NRXN1: variants seen among roughly 807,000 people sequenced by gnomAD.
NRXN1 encodes the protein neurexin 1.
NRXN1 carries 39 observed loss-of-function variants against 150.9 expected under a neutral mutation model. That is an observed-to-expected ratio of 0.26 (90% CI 0.20 to 0.34). The LOEUF (loss-of-function observed/expected upper bound fraction) is 0.34. NRXN1 is among the 10% of genes least tolerant of loss of function. The pLI, the probability that NRXN1 is intolerant of heterozygous loss-of-function variation, is 1.00. For missense variants in NRXN1, 1,815 were observed against 1,949.9 expected, an observed-to-expected ratio of 0.93 and a Z score of 1.30; for synonymous variants, 924 against 757.0, an observed-to-expected ratio of 1.22 and a Z score of -3.62.
At chr2:50,173,564 A>G (rs2060157777) in intron 18 of NRXN1, among the ~76,000 whole-genome samples, 1 of 152,172 alleles carries the variant, frequency 6.6e-6, no homozygotes, top group Non-Finnish European at 1.5e-5. Flanking sequence ...CCATGAGTAT[A>G]TTTGTGATAA....
intron 2 of NRXN1, among the ~76,000 whole-genome samples, chr2:50,989,548 T>C (rs964316855): frequency 1.3e-5 from 2 of 151,988 alleles, no homozygotes; most frequent in African/African-American, 2.4e-5. Flanking sequence ...AATAGAATGA[T>C]ATAGCATGTA....
chr2:50,826,893 T>G (rs1372512068), intron 5 of NRXN1, among the ~76,000 whole-genome samples: 1 of 152,182 alleles, frequency 6.6e-6, no homozygotes, highest in Non-Finnish European at 1.5e-5. Flanking sequence ...TAGATGGCAT[T>G]AAACGCCACA....
intron 18 of NRXN1, among the ~76,000 whole-genome samples, chr2:50,167,407 C>A (rs190675394): frequency 7.2e-5 from 11 of 152,066 alleles, no homozygotes; most frequent in South Asian, 4.1e-4. Flanking sequence ...TGCCTCCCCC[C>A]CGCCTGTTAA....
chr2:50,195,531 A>T (rs2061703619), intron 18 of NRXN1, among the ~76,000 whole-genome samples: 1 of 152,186 alleles, frequency 6.6e-6, no homozygotes, highest in Non-Finnish European at 1.5e-5. Context: ...TTAGATAATG[A>T]GAAGCAATAA....
At chr2:50,913,026 C>G (rs892636732) in intron 5 of NRXN1, 1 of 151,788 alleles carries the variant, frequency 6.6e-6, no homozygotes, top group Non-Finnish European at 1.5e-5. Context: ...ACTGAAAGTA[C>G]CGATGGGTCA....
In NRXN1 at chr2:50,026,859, C is replaced by CTTTTTTTT. The variant is rs57580154; in HGVS notation, c.4128+26404_4128+26411dup. 8.1e-3 allele frequency among the ~76,000 whole-genome samples: 530 copies of CTTTTTTTT among 65,224 alleles called. 139 individuals are homozygous for CTTTTTTTT. The highest frequency in any genetic ancestry group is 0.023 in the Middle Eastern group (2 of 86). The allele number at this position is 65,224 out of a possible 152,430, so 42.8% of individuals were successfully genotyped here. On this transcript the variant is annotated intron_variant, in intron 21 of 22. Coordinates refer to ENST00000401669, the MANE Select transcript of NRXN1 (RefSeq NM_001330078.2). ...TTGCATTGTTTAAGTCTTTTCTTTT[C>CTTTTTTTT]TTTTTTTTTTTTTTTTTTTTTTTTT...
intron 2 of NRXN1, among the ~76,000 whole-genome samples, chr2:50,975,284 T>A (rs1695640741): frequency 6.6e-6 from 1 of 152,080 alleles, no homozygotes; most frequent in African/African-American, 2.4e-5. Flanking sequence ...ACTCTTTGGG[T>A]CTCTCAGTAA....
intron 5 of NRXN1, among the ~76,000 whole-genome samples, chr2:50,735,077 T>C (rs9678008): frequency 6.6e-6 from 1 of 152,188 alleles, no homozygotes; most frequent in Non-Finnish European, 1.5e-5. Flanking sequence ...TGTTAGACTA[T>C]TCTCATTAAC....
At chr2:50,299,017 T>C (rs891121674) in intron 17 of NRXN1, among the ~76,000 whole-genome samples, 15 of 152,142 alleles carry the variant, frequency 9.9e-5, no homozygotes, top group Admixed American at 8.5e-4. Context: ...CAGGAGAAAA[T>C]GCCATCCTTT....
chr2:50,234,447 T>G (rs577738566), intron 18 of NRXN1, among the ~76,000 whole-genome samples: 1 of 151,968 alleles, frequency 6.6e-6, no homozygotes, highest in Non-Finnish European at 1.5e-5. Flanking sequence ...TGAACTGAGA[T>G]TGCATCATTG....
At chr2:50,873,411 A>G (rs2106110631) in intron 5 of NRXN1, among the ~76,000 whole-genome samples, 1 of 151,978 alleles carries the variant, frequency 6.6e-6, no homozygotes, top group South Asian at 2.1e-4. Flanking sequence ...CATGATTATA[A>G]CATTCTATAA....
At chr2:50,492,615 T>A (rs1268356687) in intron 15 of NRXN1, among the ~76,000 whole-genome samples, 2 of 152,174 alleles carry the variant, frequency 1.3e-5, no homozygotes, top group Non-Finnish European at 2.9e-5. Flanking sequence ...GGTTGAGGTT[T>A]CCCCAACTCC....
chr2:50,886,187 C>G (rs1471050173), intron 5 of NRXN1, among the ~76,000 whole-genome samples: 1 of 151,166 alleles, frequency 6.6e-6, no homozygotes, highest in African/African-American at 2.4e-5. Context: ...TACCCAAACA[C>G]TTTTCTAACT....
intron 5 of NRXN1, among the ~76,000 whole-genome samples, chr2:50,891,067 A>ACTTT (rs1680984803): frequency 1.3e-5 from 2 of 151,994 alleles, no homozygotes; most frequent in Non-Finnish European, 2.9e-5. Flanking sequence ...TTCTGGCCAA[A>ACTTT]GGATACTCCA....
At chr2:50,444,516 C>T (rs1026808742) in intron 17 of NRXN1, among the ~76,000 whole-genome samples, 2 of 152,072 alleles carry the variant, frequency 1.3e-5, no homozygotes, top group Admixed American at 6.6e-5. Flanking sequence ...AAGCCAACTT[C>T]AAGAAGCAGC....
intron 18 of NRXN1, among the ~76,000 whole-genome samples, chr2:50,198,570 A>G (rs1436702927): frequency 6.6e-6 from 1 of 152,140 alleles, no homozygotes; most frequent in East Asian, 1.9e-4. Context: ...CAACTCAATG[A>G]TTTTTAAAAT....
At position 50,901,310 on chromosome 2, in the gene NRXN1, C is replaced by T. The variant is rs548778770; in HGVS notation, c.832+20559G>A. Reference sequence around the variant, plus strand: ...CAGCACTTTGGGAGGCTGAGGCGGGCGGATCACAAGGTCAGGAGATCGAGA... The same window carrying T: ...CAGCACTTTGGGAGGCTGAGGCGGGTGGATCACAAGGTCAGGAGATCGAGA... On this transcript the variant is annotated intron_variant, in intron 5 of 22. Coordinates refer to ENST00000401669, the MANE Select transcript of NRXN1 (RefSeq NM_001330078.2). Among the ~76,000 whole-genome samples, 12 of 151,954 alleles carry T rather than the reference C, an allele frequency of 7.9e-5. No homozygotes were observed. The South Asian group carries it at 2.1e-3, about 26-fold the overall frequency.
intron 9 of NRXN1, among the ~76,000 whole-genome samples, chr2:50,545,398 T>C (rs532260771): frequency 6.6e-6 from 1 of 152,126 alleles, no homozygotes. Flanking sequence ...CACTCAGCAT[T>C]CCACAGTAAG....
intron 21 of NRXN1, among the ~76,000 whole-genome samples, chr2:50,005,929 C>A (rs1249719722): frequency 1.3e-5 from 2 of 152,164 alleles, no homozygotes; most frequent in Non-Finnish European, 2.9e-5. Flanking sequence ...TTGGAATCAA[C>A]TTTGCCCTAT....
Sources: gnomAD v4.1 joint callset for allele counts (sites outside exome capture counted in the v4.1 genomes callset) on GRCh38, gnomAD v4.1.1 for gene constraint, MANE v1.5 for transcripts, NCBI Gene and HGNC (gene_info 2026-07-23, HGNC 2026-07-21) for gene names.